The following RELL1 variants were observed in gnomAD, a reference collection of about 807,000 sequenced individuals.
RELL1 encodes the protein RELT-like protein 1.
Under a neutral mutation model 23.0 loss-of-function variants are expected in RELL1, and 10 were observed. The ratio of observed to expected loss-of-function variants is 0.43; its 90% confidence interval spans 0.27 to 0.74. The LOEUF is 0.74. Among genes scored for constraint, RELL1 ranks in the 30% least tolerant of loss-of-function variants. RELL1 has a pLI of 0.19. For synonymous variants in RELL1, 146 were observed against 146.8 expected, an observed-to-expected ratio of 0.99 and a Z score of 0.04; for missense variants, 315 against 364.4, an observed-to-expected ratio of 0.86 and a Z score of 1.10.
At chr4:37,610,432 A>T (rs922404635), downstream of RELL1, among the ~76,000 whole-genome samples, 1 of 152,150 alleles carries the variant, frequency 6.6e-6, no homozygotes, top group Non-Finnish European at 1.5e-5. The surrounding 1 kb of genome is among the most constrained non-coding windows in gnomAD (Gnocchi z 4.1). Context: ...AACCCACAGT[A>T]TCTCCAAAGT....
Position 37,638,740 on chromosome 4 carries a change from A to G in RELL1, c.386-236T>C, listed in dbSNP as rs73807867. On this transcript the variant is annotated intron_variant, in intron 3 of 6. Transcript: ENST00000454158. ...ATGACAAAGAATCTATGGCAAGGAG[A>G]GCAGATCTACTATAAGGCATTGCTT... 5.3e-3 allele frequency among the ~76,000 whole-genome samples: 810 copies of G among 152,270 alleles called. 7 individuals are homozygous for G. The highest frequency in any genetic ancestry group is 0.019 in the African/African-American group (785 of 41,538).
In RELL1 at chr4:37,665,355, G is replaced by A. The variant is rs560470911; in HGVS notation, c.89-15855C>T. On this transcript the variant is annotated intron_variant, in intron 1 of 6. Transcript: ENST00000454158. Reference sequence around the variant, plus strand: ...ATACCAGCATGCTCCTGGGTTCATCGAAATCAACAGAAGTTTCCAGTTTGC... The same window carrying A: ...ATACCAGCATGCTCCTGGGTTCATCAAAATCAACAGAAGTTTCCAGTTTGC... 3.8e-5 allele frequency: 17 copies of A among 451,468 alleles called. 1 individual carries two copies. Among genetic ancestry groups the A allele is most frequent in the East Asian group, 1.4e-4 (2 of 14,268 alleles). 28.0% of individuals were successfully genotyped at this position (451,468 alleles called of 1,614,324 possible). A position where few individuals can be genotyped will look rare whatever the true frequency, so the allele number is the denominator to read the frequency against.
chr4:37,632,171 T>TTTTG (rs60753035), intron 5 of RELL1, among the ~76,000 whole-genome samples: 118,224 of 146,640 alleles, frequency 0.81, 49,062 homozygotes, highest in Middle Eastern at 0.93. Context: ...TGATCAGTTT[T>TTTTG]TTTGTTTATT....
At chr4:37,594,423 C>T (rs1182802909) in intron 6 of RELL1, among the ~76,000 whole-genome samples, 4 of 152,184 alleles carry the variant, frequency 2.6e-5, no homozygotes, top group Non-Finnish European at 4.4e-5. Context: ...TAGGGGCAGA[C>T]TTCACAGTTC....
At chr4:37,658,633 C>G (rs951278828) in intron 1 of RELL1, among the ~76,000 whole-genome samples, 1 of 152,252 alleles carries the variant, frequency 6.6e-6, no homozygotes, top group Middle Eastern at 3.4e-3. Flanking sequence ...CTCAAACACA[C>G]TTTATGTTAC....
intron 6 of RELL1, among the ~76,000 whole-genome samples, chr4:37,624,829 G>A (rs2109249214): frequency 6.6e-6 from 1 of 152,312 alleles, no homozygotes; most frequent in African/African-American, 2.4e-5. Flanking sequence ...TGTCCTGAGA[G>A]TCCAAAGCTG....
chr4:37,625,651 A>T (rs1360680584), intron 6 of RELL1, among the ~76,000 whole-genome samples: 1 of 152,220 alleles, frequency 6.6e-6, no homozygotes, highest in African/African-American at 2.4e-5. Context: ...CTCTTTCAGG[A>T]AAAATTACAA....
rs1263864777 is a variant in RELL1 at position 37,669,144 on chromosome 4, C to T, written c.88+17056G>A. ...CCGCCCCTACTGGGAAGTGAGGAGC[C>T]CCTCTGCCCGGCCAGCCGCCCCGTC... On this transcript the variant is annotated intron_variant, in intron 1 of 6. Transcript: ENST00000454158. Among the ~76,000 whole-genome samples the T allele has an allele frequency of 3.0e-5, 4 of 133,190 alleles. No homozygotes were observed. The East Asian group carries it at 8.7e-4, about 29-fold the overall frequency. 87.4% of individuals were successfully genotyped at this position (133,190 alleles called of 152,430 possible). A position where few individuals can be genotyped will look rare whatever the true frequency, so the allele number is the denominator to read the frequency against.
chr4:37,607,298 T>A (rs1230887120), downstream of RELL1, among the ~76,000 whole-genome samples: 1 of 152,192 alleles, frequency 6.6e-6, no homozygotes, highest in African/African-American at 2.4e-5. Context: ...AGTTTTTTAG[T>A]TGTGATCACT....
At chr4:37,618,834 C>A (rs1398091690) in intron 6 of RELL1, among the ~76,000 whole-genome samples, 1 of 152,166 alleles carries the variant, frequency 6.6e-6, no homozygotes, top group African/African-American at 2.4e-5. Flanking sequence ...CATCTCCCTG[C>A]ACCCTCTTGA....
At chr4:37,650,766 C>A (rs1029982625) in intron 1 of RELL1, among the ~76,000 whole-genome samples, 10 of 135,570 alleles carry the variant, frequency 7.4e-5, no homozygotes, top group African/African-American at 2.8e-4. Flanking sequence ...CACAATTATA[C>A]AATGTGGCCA....
downstream of RELL1, among the ~76,000 whole-genome samples, chr4:37,607,041 C>T (rs1024288656): frequency 2.0e-5 from 3 of 152,146 alleles, no homozygotes; most frequent in African/African-American, 4.8e-5. Flanking sequence ...GCAAAACCTC[C>T]GTCTAATCAC....
chr4:37,686,015 G>A (rs1224512522), intron 1 of RELL1, among the ~76,000 whole-genome samples, 185 bp downstream of exon 1: 1 of 152,186 alleles, frequency 6.6e-6, no homozygotes, highest in African/African-American at 2.4e-5. Flanking sequence ...GGAGGGACGG[G>A]AGCCGTTGCC....
chr4:37,648,907 A>C (rs571584476), intron 2 of RELL1, among the ~76,000 whole-genome samples: 241 of 152,330 alleles, frequency 1.6e-3, no homozygotes, highest in African/African-American at 5.6e-3. Flanking sequence ...CTTTCCTCTA[A>C]ATTTCACAGA....
Position 37,644,947 on chromosome 4 carries a change from C to T in RELL1, c.385+2421G>A, listed in dbSNP as rs977784757. 2.6e-5 allele frequency among the ~76,000 whole-genome samples: 4 copies of T among 152,186 alleles called. No individual in the cohort carries two copies. The South Asian group carries it at 6.2e-4, about 24-fold the overall frequency. On this transcript the variant is annotated intron_variant, in intron 3 of 6. Coordinates refer to ENST00000454158, the MANE Select transcript of RELL1 (RefSeq NM_001085400.2). ...AACACCTGAGCTCCAATCCCAGCTC[C>T]GCCACTTTCCAGCGGTGCAACACTG...
rs1287073119 is a variant in RELL1 at position 37,610,650 on chromosome 4, A to ATTT, written c.*2693_*2695dup. ...ACAACACACTGCGTTTAACATTTTTATTTTTAACTCCGCTTTGGTAGTACA... is the reference window on the plus strand; with the variant it reads ...ACAACACACTGCGTTTAACATTTTTATTTTTTTTAACTCCGCTTTGGTAGTACA... On this transcript the variant is annotated 3_prime_UTR_variant, in exon 7 of 7. Coordinates refer to ENST00000454158, the MANE Select transcript of RELL1 (RefSeq NM_001085400.2). The surrounding 1 kb of genome is among the most constrained non-coding windows in gnomAD (Gnocchi z 4.1). Among the ~76,000 whole-genome samples the ATTT allele has an allele frequency of 6.6e-6, 1 of 152,218 alleles. No homozygotes were observed. The highest frequency in any genetic ancestry group is 2.4e-5 in the African/African-American group (1 of 41,448).
exon 7 of RELL1, chr4:37,590,833 C>G (rs146200909): frequency 2.0e-5 from 32 of 1,614,054 alleles, no homozygotes; most frequent in Non-Finnish European, 2.6e-5. Context: ...TGAGAAGGGT[C>G]CTGTTCATGC....
At chr4:37,660,758 G>A (rs6531562) in intron 1 of RELL1, among the ~76,000 whole-genome samples, 125,390 of 152,100 alleles carry the variant, frequency 0.82, 51,904 homozygotes, top group East Asian at 0.99. Flanking sequence ...GAGGCCGGGC[G>A]CGGTGGCTCA....
chr4:37,651,428 T>A (rs1489608465), intron 1 of RELL1, among the ~76,000 whole-genome samples: 1 of 152,172 alleles, frequency 6.6e-6, no homozygotes, highest in Non-Finnish European at 1.5e-5. Context: ...AAGGATAAAG[T>A]GAGGTTTTCT....
Sources: gnomAD v4.1 joint callset for allele counts (sites outside exome capture counted in the v4.1 genomes callset) on GRCh38, gnomAD v4.1.1 for gene constraint, Gnocchi (gnomAD v3.1) non-coding constraint, MANE v1.5 for transcripts, NCBI Gene and HGNC (gene_info 2026-07-23, HGNC 2026-07-21) for gene names.